GGT7: variants seen among roughly 807,000 people sequenced by gnomAD.
The protein encoded by GGT7 is gamma-glutamyltransferase 7.
GGT7 carries 30 observed loss-of-function variants against 69.2 expected under a neutral mutation model. The observed-to-expected ratio is 0.43, with a 90% CI of 0.32 to 0.59. The LOEUF is 0.59. Ranked by LOEUF, GGT7 falls within the 20% of genes least tolerant of loss-of-function variation. The probability of loss-of-function intolerance (pLI) is 0.05; values close to 1 mark genes in which losing one functional copy is unlikely to be tolerated. For missense variants in GGT7, 733 were observed against 901.1 expected (o/e 0.81, Z 2.39); for synonymous variants, 388 against 391.8 (o/e 0.99, Z 0.12).
Position 34,867,356 on chromosome 20 carries a change from C to T in GGT7, c.170-3808G>A, listed in dbSNP as rs551759914. On this transcript the variant is annotated intron_variant, in intron 1 of 14. Transcript: ENST00000336431. ...GACTTTATGAAATAAGTCCCACTCT[C>T]GCCACTTTACAGATGAGAAAACTAA... is the stretch of plus-strand genomic sequence containing the variant. Among the ~76,000 whole-genome samples, 7 of 152,264 alleles carry T rather than the reference C, an allele frequency of 4.6e-5. No individual in the cohort carries two copies. The East Asian group carries it at 7.7e-4, about 17-fold the overall frequency.
chr20:34,852,507 T>C lies in GGT7; in HGVS notation c.1351A>G (p.Ile451Val). ...KVEAAYLRGH[I>V]NDSQAAPAPL... ...GCAGGGGCTGCCTGGGAGTCATTGA[T>C]ATGGCCCCGGAGGTAGGCGGCCTCC... Residue 451 changes from isoleucine to valine, a missense_variant, in exon 11 of 15, where the codon ATC (isoleucine) becomes GTC (valine). Coordinates refer to ENST00000336431, the MANE Select transcript of GGT7 (RefSeq NM_178026.3). 1 of 1,598,014 alleles carries C rather than the reference T, an allele frequency of 6.3e-7. No homozygotes were observed. Among genetic ancestry groups the C allele is most frequent in the Non-Finnish European group, 8.5e-7 (1 of 1,172,796 alleles).
chr20:34,845,147 A>ACCCCCCCCC lies in GGT7; in HGVS notation c.*180_*181insGGGGGGGGG. On this transcript the variant is annotated 3_prime_UTR_variant, in exon 15 of 15. Transcript: ENST00000336431. Reference sequence around the variant, plus strand: ...CACCACCACCACCACCACCACCACCACCACCACAGGCCTCCTGATGGAGAA... The same window carrying ACCCCCCCCC: ...CACCACCACCACCACCACCACCACCACCCCCCCCCCCACCACAGGCCTCCTGATGGAGAA... 3.3e-6 allele frequency: 1 copy of ACCCCCCCCC among 306,380 alleles called. No individual in the cohort carries two copies. The highest frequency in any genetic ancestry group is 6.1e-6 in the Non-Finnish European group (1 of 163,270). The allele number at this position is 306,380 out of a possible 1,614,324, so 19.0% of individuals were successfully genotyped here.
intron 7 of GGT7, among the ~76,000 whole-genome samples, chr20:34,857,246 G>C (rs1296805580): frequency 2.0e-5 from 3 of 152,206 alleles, no homozygotes; most frequent in Non-Finnish European, 4.4e-5. Context: ...GTGACCTGCA[G>C]TTCCTGAACT....
chr20:34,863,452 CGCGTCTCGCGTA>C lies in GGT7; in HGVS notation c.254_265del (p.Leu85_Thr88del). 6.2e-7 allele frequency: 1 copy of C among 1,612,174 alleles called. No individual in the cohort carries two copies. Among genetic ancestry groups the C allele is most frequent in the Non-Finnish European group, 8.5e-7 (1 of 1,179,454 alleles). ...CGCTGCGGCGGAGAACGGGTCTTTG[CGCGTCTCGCGTA>C]GCGGCGACCCGTCTTGGCTGCCCAT... On this transcript the variant is annotated inframe_deletion, in exon 2 of 15. Transcript: ENST00000336431. This position sits in a 1 kb window ranked among gnomAD's most constrained non-coding sequence, Gnocchi z 4.4.
chr20:34,849,977 G>A lies in GGT7; in HGVS notation c.1809C>T (p.Asn603=), dbSNP rs1297965421. 1 of 1,608,076 alleles carries A rather than the reference G, an allele frequency of 6.2e-7. No individual in the cohort carries two copies. The highest frequency in any genetic ancestry group is 8.5e-7 in the Non-Finnish European group (1 of 1,174,716). ...RGRLHPDLQS[N]LLQVDSEFTE... is the part of the protein sequence containing the mutation. ...TGCACTCACTGTCCACCTGCAGGAG[G>A]TTGGACTGCAGGTCCGGGTGTAGGC... Residue 603 remains asparagine, a synonymous_variant, in exon 14 of 15, where the codon AAC becomes AAT. Coordinates refer to ENST00000336431, the MANE Select transcript of GGT7 (RefSeq NM_178026.3).
In GGT7 at chr20:34,859,981, T is replaced by A; in HGVS notation, c.805A>T (p.Thr269Ser). 6.4e-7 allele frequency: 1 copy of A among 1,561,000 alleles called. No individual in the cohort carries two copies. The highest frequency in any genetic ancestry group is 8.7e-7 in the Non-Finnish European group (1 of 1,151,026). The change falls in exon 6 of 15, where the codon ACT (threonine) becomes TCT (serine). Residue 269 changes from threonine (T) to serine (S), a missense_variant. Thr to Ser is a moderately conservative substitution (Grantham distance 58, BLOSUM62 1). Coordinates refer to ENST00000336431, the MANE Select transcript of GGT7 (RefSeq NM_178026.3). ...AAVAQDGFNV[T>S]HDLARALAEQ... is the part of the protein sequence containing the mutation. ...AGGCCCCACTGACCTAGATCATGAG[T>A]CACGTTGAAGCCATCTTGGGCCACA...
chr20:34,863,591 G>A lies in GGT7; in HGVS notation c.170-43C>T. The A allele has an allele frequency of 7.5e-7, 1 of 1,325,784 alleles. No individual in the cohort carries two copies. Among genetic ancestry groups the A allele is most frequent in the Non-Finnish European group, 1.1e-6 (1 of 942,648 alleles). The allele number at this position is 1,325,784 out of a possible 1,614,324, so 82.1% of individuals were successfully genotyped here. A position where few individuals can be genotyped will look rare whatever the true frequency, so the allele number is the denominator to read the frequency against. Reference sequence around the variant, plus strand: ...GGGTCGGTCTGGGCATCTCCTATCTGGCCCTGCCCACCCTCCAGGTGGGAC... The same window carrying A: ...GGGTCGGTCTGGGCATCTCCTATCTAGCCCTGCCCACCCTCCAGGTGGGAC... On this transcript the variant is annotated intron_variant, in intron 1 of 14. Coordinates refer to ENST00000336431, the MANE Select transcript of GGT7 (RefSeq NM_178026.3). The surrounding 1 kb of genome is among the most constrained non-coding windows in gnomAD (Gnocchi z 4.4).
At chr20:34,850,859 A>C (rs776262090) in intron 13 of GGT7, 2 of 562,114 alleles carry the variant, frequency 3.6e-6, no homozygotes, top group East Asian at 9.3e-5. Context: ...TGTTCTGGAG[A>C]AAAGCAGGCC....
At chr20:34,857,042 C>T in intron 7 of GGT7, 149 bp from the exon 8 acceptor site, 1 of 653,548 alleles carries the variant, frequency 1.5e-6, no homozygotes, top group Non-Finnish European at 2.8e-6. Flanking sequence ...CCCCATTATC[C>T]CTAGACACCT....
rs774193156 is a variant in GGT7, at chr20:34,863,664, G to A, written c.170-116C>T. 7 of 760,834 alleles carry A rather than the reference G, an allele frequency of 9.2e-6. No homozygotes were observed. The highest frequency in any genetic ancestry group is 8.9e-5 in the South Asian group (6 of 67,700). 47.1% of individuals were successfully genotyped at this position (760,834 alleles called of 1,614,324 possible). A position where few individuals can be genotyped will look rare whatever the true frequency, so the allele number is the denominator to read the frequency against. On this transcript the variant is annotated intron_variant, in intron 1 of 14. Coordinates refer to ENST00000336431, the MANE Select transcript of GGT7 (RefSeq NM_178026.3). The surrounding 1 kb of genome is among the most constrained non-coding windows in gnomAD (Gnocchi z 4.4). The stretch of plus-strand genomic sequence containing the variant: ...GCCCCTGCCACACAATCCCCGCACT[G>A]GCTAGCACTACTCACCTTTCCTCAT...
At position 34,854,889 on chromosome 20, in the gene GGT7, C is replaced by G. The variant is rs777536044; in HGVS notation, c.1137G>C (p.Thr379=). 9 of 1,613,666 alleles carry G rather than the reference C, an allele frequency of 5.6e-6. No homozygotes were observed. Among genetic ancestry groups the G allele is most frequent in the Non-Finnish European group, 7.6e-6 (9 of 1,179,860 alleles). Residue 379 remains threonine, a synonymous_variant, in exon 9 of 15, where the codon ACG becomes ACC. Coordinates refer to ENST00000336431, the MANE Select transcript of GGT7 (RefSeq NM_178026.3). ...TGAGAGCACTGATGAGGGCAGGGCCCGTGTGCGGAGGTGGGGGACTAAGAA... is the reference window on the plus strand; with the variant it reads ...TGAGAGCACTGATGAGGGCAGGGCCGGTGTGCGGAGGTGGGGGACTAAGAA... ...HLVLSPPPPH[T]GPALISALNI...
chr20:34,863,686 T>C lies in GGT7; in HGVS notation c.170-138A>G. On this transcript the variant is annotated intron_variant, in intron 1 of 14. Transcript: ENST00000336431. The surrounding 1 kb of genome is among the most constrained non-coding windows in gnomAD (Gnocchi z 4.4). The stretch of plus-strand genomic sequence containing the variant: ...ACTGGCTAGCACTACTCACCTTTCC[T>C]CATTTTCGCGTGCACCCCAGGACAG... 1 of 741,376 alleles carries C rather than the reference T, an allele frequency of 1.3e-6. No homozygotes were observed. Among genetic ancestry groups the C allele is most frequent in the Admixed American group, 2.0e-5 (1 of 50,040 alleles). 45.9% of individuals were successfully genotyped at this position (741,376 alleles called of 1,614,324 possible).
chr20:34,853,364 T>TGTGTGC (rs1315232982), intron 10 of GGT7, among the ~76,000 whole-genome samples: 1 of 151,424 alleles, frequency 6.6e-6, no homozygotes, highest in East Asian at 1.9e-4. Flanking sequence ...TGTGTGTGTG[T>TGTGTGC]GTGTGTGTGT....
intron 13 of GGT7, 136 bp from the exon 14 acceptor site, chr20:34,850,196 C>T (rs753483509): frequency 1.3e-6 from 1 of 777,716 alleles, no homozygotes; most frequent in East Asian, 2.4e-5. Context: ...CTCCTAACAG[C>T]CCTGGAAGAC....
At chr20:34,862,196 A>G (rs563454924) in intron 3 of GGT7, among the ~76,000 whole-genome samples, 1 of 152,244 alleles carries the variant, frequency 6.6e-6, no homozygotes, top group South Asian at 2.1e-4. Flanking sequence ...CATGGGAAGC[A>G]GCTTCTATTC....
chr20:34,861,304 ACT>A (rs561456523), intron 4 of GGT7, 139 bp downstream of exon 4: 1 of 448,336 alleles, frequency 2.2e-6, no homozygotes, highest in Non-Finnish European at 4.0e-6. Context: ...GGGCTGCCTG[ACT>A]CTCTCATAGC....
At chr20:34,860,069 G>T in intron 5 of GGT7, 27 bp from the exon 6 acceptor site, 3 of 1,204,086 alleles carry the variant, frequency 2.5e-6, no homozygotes, top group Non-Finnish European at 3.6e-6. Context: ...GCAGGGGGTG[G>T]AGGAGGTCCT....
chr20:34,860,647 T>TTTTC, intron 4 of GGT7, among the ~76,000 whole-genome samples: 1 of 71,162 alleles, frequency 1.4e-5, no homozygotes, highest in South Asian at 4.5e-4. Context: ...CTTTTTTTTT[T>TTTTC]TTTTTTTTTT....
rs200781168 is a variant in GGT7 at position 34,856,867 on chromosome 20, G to A, written c.1041C>T (p.Thr347=). 5.3e-5 allele frequency: 86 copies of A among 1,610,428 alleles called. 1 individual carries two copies. In the Middle Eastern group the frequency reaches 8.3e-4, roughly 15 times the overall value. The change falls in exon 8 of 15, where the codon ACC becomes ACT. Residue 347 remains threonine (T), a synonymous_variant. Coordinates refer to ENST00000336431, the MANE Select transcript of GGT7 (RefSeq NM_178026.3). ...AEAQHAGGVI[T]EEDFSNYSAL... ...CGCTGTAATTGCTGAAGTCCTCTTCGGTTATGACACCCCCTGCGTGCTGAG... is the reference window on the plus strand; with the variant it reads ...CGCTGTAATTGCTGAAGTCCTCTTCAGTTATGACACCCCCTGCGTGCTGAG...
Sources: gnomAD v4.1 joint callset for allele counts (sites outside exome capture counted in the v4.1 genomes callset) on GRCh38, gnomAD v4.1.1 for gene constraint, Gnocchi (gnomAD v3.1) non-coding constraint, MANE v1.5 for transcripts, NCBI Gene and HGNC (gene_info 2026-07-23, HGNC 2026-07-21) for gene names.